ABL2: variants seen among roughly 807,000 people sequenced by gnomAD.
ABL2 encodes ABL proto-oncogene 2, non-receptor tyrosine kinase.
A neutral mutation model predicts 107.7 loss-of-function variants in ABL2; 49 were observed. The observed-to-expected ratio is 0.45, with a 90% confidence interval of 0.36 to 0.58. The LOEUF (loss-of-function observed/expected upper bound fraction) is 0.58. Among genes scored for constraint, ABL2 ranks in the 20% least tolerant of loss-of-function variants. The pLI, the probability that ABL2 is intolerant of heterozygous loss-of-function variation, is 0.00. For missense variants in ABL2, 1,245 were observed against 1,457.0 expected, an observed-to-expected ratio of 0.85 and a Z score of 2.37; for synonymous variants, 549 against 548.6, an observed-to-expected ratio of 1.00 and a Z score of -0.01.
Position 179,229,563 on chromosome 1 carries a change from C to CGGCGGCT in ABL2, c.-167_-166insAGCCGCC. On this transcript the variant is annotated 5_prime_UTR_variant, in exon 1 of 12. Coordinates refer to ENST00000502732, the MANE Select transcript of ABL2 (RefSeq NM_007314.4). The stretch of plus-strand genomic sequence containing the variant: ...CCGCACCCGGCCTCCTCACGGCAGC[C>CGGCGGCT]GCCGCGCTGCCTCCAGGCGACTCAC... 1.6e-6 allele frequency: 1 copy of CGGCGGCT among 634,768 alleles called. No individual in the cohort carries two copies. Among genetic ancestry groups the CGGCGGCT allele is most frequent in the Non-Finnish European group, 2.4e-6 (1 of 408,890 alleles). The allele number at this position is 634,768 out of a possible 1,614,324, so 39.3% of individuals were successfully genotyped here. A position where few individuals can be genotyped will look rare whatever the true frequency, so the allele number is the denominator to read the frequency against.
chr1:179,181,416 T>C (rs143903026), intron 1 of ABL2, among the ~76,000 whole-genome samples: 3 of 152,292 alleles, frequency 2.0e-5, no homozygotes, highest in South Asian at 4.1e-4. Flanking sequence ...GGAGTGAGTA[T>C]TGAGAATCAG....
At chr1:179,180,523 GA>G (rs1660314345) in intron 1 of ABL2, among the ~76,000 whole-genome samples, 1 of 152,104 alleles carries the variant, frequency 6.6e-6, no homozygotes, top group Non-Finnish European at 1.5e-5. Context: ...TCTATCATCA[GA>G]CTTCACTAGT....
At position 179,108,872 on chromosome 1, in the gene ABL2, T is replaced by C. The variant is rs781504947; in HGVS notation, c.2395A>G (p.Met799Val). 2.7e-5 allele frequency: 44 copies of C among 1,614,076 alleles called. No individual in the cohort carries two copies. Among genetic ancestry groups the C allele is most frequent in the Admixed American group, 3.3e-5 (2 of 60,012 alleles). The change falls in exon 12 of 12, where the codon ATG (methionine) becomes GTG (valine). Residue 799 changes from methionine to valine, a missense_variant. Around this residue, in one of 3 missense-constraint regions of ABL2, gnomAD observed 761 missense variants for 766.4 expected, o/e 0.99. Transcript: ENST00000502732. ...SGLPEQDRMA[M>V]TLPRNCQRSK... ...CTCTGGCAGTTCCTGGGAAGGGTCA[T>C]TGCCATCCTATCCTGCTCTGGAAGC...
intron 1 of ABL2, among the ~76,000 whole-genome samples, chr1:179,204,916 A>G (rs1489276298): frequency 1.3e-5 from 2 of 152,208 alleles, no homozygotes; most frequent in African/African-American, 4.8e-5. Context: ...TGTAGTTACT[A>G]GATAGAAACA....
chr1:179,153,989 C>T (rs1051808116), intron 1 of ABL2, among the ~76,000 whole-genome samples: 46 of 152,184 alleles, frequency 3.0e-4, no homozygotes, highest in African/African-American at 1.1e-3. Context: ...AACCCAGAAA[C>T]ATCATGATCA....
intron 8 of ABL2, among the ~76,000 whole-genome samples, chr1:179,116,439 T>C (rs1434714303): frequency 6.6e-6 from 1 of 151,972 alleles, no homozygotes; most frequent in African/African-American, 2.4e-5. Flanking sequence ...TCATTAGCAC[T>C]CCAATGCAAT....
intron 1 of ABL2, among the ~76,000 whole-genome samples, chr1:179,147,839 A>G (rs753245327): frequency 2.0e-5 from 3 of 152,146 alleles, no homozygotes; most frequent in African/African-American, 7.2e-5. Context: ...CTCCAAATCT[A>G]TAAACTTTTT....
At chr1:179,125,134 T>C (rs148605497) in intron 4 of ABL2, among the ~76,000 whole-genome samples, 32 of 152,328 alleles carry the variant, frequency 2.1e-4, no homozygotes, top group African/African-American at 5.1e-4. Flanking sequence ...GTGGCCATAG[T>C]GTGTCAGAAC....
intron 1 of ABL2, among the ~76,000 whole-genome samples, chr1:179,225,791 C>T (rs1663162020): frequency 6.6e-6 from 1 of 152,044 alleles, no homozygotes; most frequent in Admixed American, 6.6e-5. Flanking sequence ...CCTGTAATCC[C>T]AGCACTTTGG....
chr1:179,120,746 A>G (rs1410803081), intron 5 of ABL2, among the ~76,000 whole-genome samples: 2 of 152,158 alleles, frequency 1.3e-5, no homozygotes, highest in Non-Finnish European at 2.9e-5. Flanking sequence ...AAGAAGTCCA[A>G]CTTAGAAAGA....
intron 1 of ABL2, chr1:179,201,749 C>A: frequency 1.3e-6 from 1 of 782,056 alleles, no homozygotes; most frequent in Non-Finnish European, 2.1e-6. Flanking sequence ...TCAACTATGA[C>A]CTTCCCACCA....
chr1:179,113,148 A>G (rs906514068), intron 9 of ABL2, among the ~76,000 whole-genome samples: 2 of 152,176 alleles, frequency 1.3e-5, no homozygotes, highest in African/African-American at 4.8e-5. Context: ...TCCTGAGCTC[A>G]AGCAATCTGC....
At chr1:179,172,793 C>T (rs1447250492) in intron 1 of ABL2, among the ~76,000 whole-genome samples, 2 of 152,144 alleles carry the variant, frequency 1.3e-5, no homozygotes, top group African/African-American at 4.8e-5. Flanking sequence ...TCTTAAGATA[C>T]TAAATTAACA....
At position 179,229,305 on chromosome 1, in the gene ABL2, G is replaced by A. The variant is rs1386637236; in HGVS notation, c.93C>T (p.Ser31=). 2.5e-6 allele frequency: 4 copies of A among 1,581,546 alleles called. No individual in the cohort carries two copies. The highest frequency in any genetic ancestry group is 1.7e-6 in the Non-Finnish European group (2 of 1,166,220). ...GCCCCGCCGGGTCCCGCCTGCGGCC[G>A]GAGGGCCTGGCTGCACTGCTGCCCC... ...GIRGSSAARP[S]GRRRDPAGRT... Residue 31 remains serine (S), a synonymous_variant, in exon 1 of 12, where the codon TCC becomes TCT. Coordinates refer to ENST00000502732, the MANE Select transcript of ABL2 (RefSeq NM_007314.4).
intron 1 of ABL2, among the ~76,000 whole-genome samples, chr1:179,135,781 G>T (rs1656869534): frequency 6.8e-6 from 1 of 146,340 alleles, no homozygotes. Context: ...GAGGTGGGGG[G>T]GTCAGCCCCC....
chr1:179,206,916 C>T (rs1662003504), intron 1 of ABL2, among the ~76,000 whole-genome samples: 2 of 152,074 alleles, frequency 1.3e-5, no homozygotes, highest in Admixed American at 6.6e-5. Flanking sequence ...ACTGAGAAAG[C>T]CAGCTGGAAG....
chr1:179,154,798 G>A (rs1212467033), intron 1 of ABL2, among the ~76,000 whole-genome samples: 1 of 152,114 alleles, frequency 6.6e-6, no homozygotes, highest in African/African-American at 2.4e-5. Context: ...CCTTCTTATT[G>A]AAGGTATAGG....
intron 1 of ABL2, among the ~76,000 whole-genome samples, chr1:179,227,744 C>G (rs1663299227): frequency 6.6e-6 from 1 of 152,118 alleles, no homozygotes; most frequent in Non-Finnish European, 1.5e-5. Context: ...AAGAGACACT[C>G]AAGCACATCT....
intron 1 of ABL2, among the ~76,000 whole-genome samples, chr1:179,214,408 G>A (rs1308769727): frequency 6.6e-6 from 1 of 151,040 alleles, no homozygotes; most frequent in African/African-American, 2.4e-5. Context: ...ATAATGATTG[G>A]GGAGCTAACC....
Sources: gnomAD v4.1 joint callset for allele counts (sites outside exome capture counted in the v4.1 genomes callset) on GRCh38, gnomAD v4.1.1 for gene constraint, gnomAD v4.1.1 regional missense constraint, MANE v1.5 for transcripts, NCBI Gene and HGNC (gene_info 2026-07-23, HGNC 2026-07-21) for gene names.